Variants in CTDSPL2 observed in about 807,000 individuals in gnomAD.
CTDSPL2 encodes the protein CTD small phosphatase like 2, also known as CTD small phosphatase-like protein 2.
A neutral mutation model predicts 60.0 loss-of-function variants in CTDSPL2; 5 were observed. That is an observed-to-expected ratio of 0.08 (90% CI 0.04 to 0.18). CTDSPL2 has a LOEUF of 0.18. CTDSPL2 is among the 10% of genes least tolerant of loss of function. The pLI, the probability that CTDSPL2 is intolerant of heterozygous loss-of-function variation, is 1.00. For missense variants in CTDSPL2, 370 were observed against 548.8 expected (o/e 0.67, Z 3.26); for synonymous variants, 186 against 189.3 (o/e 0.98, Z 0.14).
chr15:44,455,854 T>C (rs1292799595), intron 1 of CTDSPL2, among the ~76,000 whole-genome samples: 1 of 130,616 alleles, frequency 7.7e-6, no homozygotes, highest in African/African-American at 2.9e-5. Flanking sequence ...TTTTTTTTTT[T>C]TTTTTTTTTT....
At chr15:44,446,170 C>T (rs1351778997) in intron 1 of CTDSPL2, among the ~76,000 whole-genome samples, 1 of 151,824 alleles carries the variant, frequency 6.6e-6, no homozygotes, top group Non-Finnish European at 1.5e-5. Flanking sequence ...GTGATCCACC[C>T]ACCTCGACCT....
intron 1 of CTDSPL2, among the ~76,000 whole-genome samples, chr15:44,445,046 G>T (rs150524105): frequency 6.6e-6 from 1 of 151,292 alleles, no homozygotes; most frequent in Admixed American, 6.6e-5. Flanking sequence ...GGGTTTCACC[G>T]TGTTAGCTAG....
At position 44,431,728 on chromosome 15, in the gene CTDSPL2, T is replaced by G. The variant is rs572359496; in HGVS notation, c.-25+3956T>G. 4.9e-3 allele frequency among the ~76,000 whole-genome samples: 733 copies of G among 150,496 alleles called. 4 individuals carry two copies. Among genetic ancestry groups the G allele is most frequent in the Non-Finnish European group, 8.5e-3 (571 of 67,532 alleles). On this transcript the variant is annotated intron_variant, in intron 1 of 12. Coordinates refer to ENST00000260327, the MANE Select transcript of CTDSPL2 (RefSeq NM_016396.3). The stretch of plus-strand genomic sequence containing the variant: ...TGTTTGTTTGTTTGTTTTTTTTTTT[T>G]TTTTTTTGAGACAGAGTTTCGCTCT...
intron 12 of CTDSPL2, among the ~76,000 whole-genome samples, chr15:44,522,223 G>A (rs2081791926): frequency 6.6e-6 from 1 of 151,918 alleles, no homozygotes; most frequent in African/African-American, 2.4e-5. Context: ...TTGTAGAGAT[G>A]GGATTTCACT....
Position 44,528,810 on chromosome 15 carries a change from G to A in CTDSPL2, c.*4636G>A, listed in dbSNP as rs1416931290. The stretch of plus-strand genomic sequence containing the variant: ...TTGAAATGGGATTTTTCAAGGCAGT[G>A]TCCTTTTGGCATTAAGGTAGGGGGG... On this transcript the variant is annotated 3_prime_UTR_variant, in exon 13 of 13. Transcript: ENST00000260327. The A allele has an allele frequency of 6.6e-6, 1 of 152,084 alleles. No individual in the cohort carries two copies. The highest frequency in any genetic ancestry group is 2.4e-5 in the African/African-American group (1 of 41,422). 9.4% of individuals were successfully genotyped at this position (152,084 alleles called of 1,614,324 possible). A position where few individuals can be genotyped will look rare whatever the true frequency, so the allele number is the denominator to read the frequency against.
intron 1 of CTDSPL2, among the ~76,000 whole-genome samples, chr15:44,451,948 C>A (rs930784724): frequency 6.6e-6 from 1 of 152,150 alleles, no homozygotes; most frequent in Non-Finnish European, 1.5e-5. Flanking sequence ...GAACACAGAT[C>A]TCAGCTGTAA....
intron 1 of CTDSPL2, among the ~76,000 whole-genome samples, chr15:44,428,258 GT>G (rs2079787831): frequency 6.6e-6 from 1 of 152,096 alleles, no homozygotes; most frequent in Non-Finnish European, 1.5e-5. Flanking sequence ...ACTAAGTTCT[GT>G]TTATCTTTTG....
chr15:44,469,833 C>T (rs1279165237), intron 2 of CTDSPL2, among the ~76,000 whole-genome samples: 1 of 152,130 alleles, frequency 6.6e-6, no homozygotes, highest in Non-Finnish European at 1.5e-5. Context: ...CGCGGTGGCT[C>T]ACGCCTGTAA....
At chr15:44,498,257 T>A (rs967752670) in intron 7 of CTDSPL2, among the ~76,000 whole-genome samples, 3 of 152,216 alleles carry the variant, frequency 2.0e-5, no homozygotes, top group Admixed American at 2.0e-4. Flanking sequence ...AAGCATTTGT[T>A]ACTGGAACCC....
chr15:44,481,795 A>C (rs879559437), intron 2 of CTDSPL2, among the ~76,000 whole-genome samples: 2 of 152,070 alleles, frequency 1.3e-5, no homozygotes, highest in East Asian at 3.9e-4. Flanking sequence ...CTGGTCCCGA[A>C]CTCCCAACCT....
chr15:44,433,968 T>A (rs1595688099), intron 1 of CTDSPL2, among the ~76,000 whole-genome samples: 1 of 146,510 alleles, frequency 6.8e-6, no homozygotes, highest in East Asian at 2.2e-4. Context: ...AAAAAAAAAA[T>A]CAGTGTATAT....
At chr15:44,515,021 C>T (rs1471232701) in intron 10 of CTDSPL2, among the ~76,000 whole-genome samples, 177 bp downstream of exon 10, 1 of 152,092 alleles carries the variant, frequency 6.6e-6, no homozygotes, top group Admixed American at 6.6e-5. Context: ...GAACTCCAGA[C>T]AGACGTTCTT....
chr15:44,487,010 C>G (rs758448204), intron 4 of CTDSPL2, among the ~76,000 whole-genome samples: 1 of 152,040 alleles, frequency 6.6e-6, no homozygotes, highest in Non-Finnish European at 1.5e-5. Flanking sequence ...TCAAGTGATC[C>G]GCCCACCTCG....
At chr15:44,464,663 A>G (rs1595724145) in intron 2 of CTDSPL2, among the ~76,000 whole-genome samples, 2 of 152,048 alleles carry the variant, frequency 1.3e-5, no homozygotes, top group South Asian at 2.1e-4. Flanking sequence ...ATCTTTACAG[A>G]CACTGGTCAT....
chr15:44,517,963 C>T (rs1403549500), intron 10 of CTDSPL2, among the ~76,000 whole-genome samples: 1 of 152,116 alleles, frequency 6.6e-6, no homozygotes, highest in East Asian at 1.9e-4. Flanking sequence ...TAAAGTTATT[C>T]CTTATAATAA....
rs1348950232 is a variant in CTDSPL2, at chr15:44,527,327, T to G, written c.*3153T>G. The G allele has an allele frequency of 2.0e-5, 3 of 152,586 alleles. No individual in the cohort carries two copies. The highest frequency in any genetic ancestry group is 2.9e-5 in the Non-Finnish European group (2 of 68,010). The allele number at this position is 152,586 out of a possible 1,614,324, so 9.5% of individuals were successfully genotyped here. A position where few individuals can be genotyped will look rare whatever the true frequency, so the allele number is the denominator to read the frequency against. On this transcript the variant is annotated 3_prime_UTR_variant, in exon 13 of 13. Coordinates refer to ENST00000260327, the MANE Select transcript of CTDSPL2 (RefSeq NM_016396.3). Reference sequence around the variant, plus strand: ...GAATGTTTTTTTTAAAAAATTATCTTTGGCCAATGACTTTTTCATCTAGAT... The same window carrying G: ...GAATGTTTTTTTTAAAAAATTATCTGTGGCCAATGACTTTTTCATCTAGAT...
intron 5 of CTDSPL2, among the ~76,000 whole-genome samples, chr15:44,493,768 C>G (rs889559484): frequency 3.9e-5 from 6 of 152,000 alleles, no homozygotes; most frequent in Non-Finnish European, 8.8e-5. Context: ...CCACTGCACT[C>G]TAGCCTAGGC....
At chr15:44,517,484 A>G (rs575814968) in intron 10 of CTDSPL2, 2 of 152,180 alleles carry the variant, frequency 1.3e-5, no homozygotes, top group East Asian at 3.9e-4. Context: ...CGTCTCAAAA[A>G]AAAAAAAAGA....
intron 11 of CTDSPL2, chr15:44,520,154 C>CT (rs56005250): frequency 0.14 from 20,407 of 140,958 alleles, 1,675 homozygotes; most frequent in Middle Eastern, 0.19. Context: ...TTTTGTTTTC[C>CT]TTTTTTTTTT....
Sources: gnomAD v4.1 joint callset for allele counts (sites outside exome capture counted in the v4.1 genomes callset) on GRCh38, gnomAD v4.1.1 for gene constraint, MANE v1.5 for transcripts, NCBI Gene and HGNC (gene_info 2026-07-23, HGNC 2026-07-21) for gene names.